Variants in OXR1 observed in about 807,000 individuals in gnomAD.
The protein encoded by OXR1 is oxidation resistance 1, also known as oxidation resistance protein 1.
A neutral mutation model predicts 104.6 loss-of-function variants in OXR1; 41 were observed. The observed-to-expected ratio is 0.39, with a 90% CI of 0.31 to 0.51. The LOEUF (loss-of-function observed/expected upper bound fraction) is 0.51, where lower values mean the gene tolerates loss of function less well. Among genes scored for constraint, OXR1 ranks in the 20% least tolerant of loss-of-function variants. OXR1 has a pLI of 0.77. For synonymous variants in OXR1, 348 were observed against 348.4 expected (o/e 1.00, Z 0.01); for missense variants, 955 against 1,031.9 (o/e 0.93, Z 1.02).
intron 2 of OXR1, among the ~76,000 whole-genome samples, chr8:106,438,143 T>TGC (rs1819653002): frequency 1.2e-4 from 17 of 142,114 alleles, no homozygotes; most frequent in African/African-American, 4.0e-4. Context: ...GTGGATCTCT[T>TGC]TGTGTCCATG....
intron 3 of OXR1, among the ~76,000 whole-genome samples, chr8:106,558,922 G>C (rs140219207): frequency 6.6e-6 from 1 of 152,090 alleles, no homozygotes; most frequent in African/African-American, 2.4e-5. Context: ...CTTGGAAATA[G>C]GGCAACAATT....
intron 3 of OXR1, among the ~76,000 whole-genome samples, chr8:106,649,694 AAT>A (rs58775435): frequency 6.3e-4 from 93 of 148,464 alleles, no homozygotes; most frequent in African/African-American, 1.5e-3. Context: ...ATCTGTCAAA[AAT>A]ATATATATAT....
intron 6 of OXR1, among the ~76,000 whole-genome samples, chr8:106,692,205 A>C (rs1362628971): frequency 6.6e-6 from 1 of 152,048 alleles, no homozygotes; most frequent in African/African-American, 2.4e-5. Context: ...CTTGTGATCT[A>C]GTGGAATGGG....
At chr8:106,690,070 GTT>G (rs1473935600) in intron 6 of OXR1, among the ~76,000 whole-genome samples, 1 of 150,312 alleles carries the variant, frequency 6.7e-6, no homozygotes, top group Non-Finnish European at 1.5e-5. Context: ...AATATTATAT[GTT>G]ATATATAAAA....
intron 2 of OXR1, among the ~76,000 whole-genome samples, chr8:106,413,956 G>C (rs1157660530): frequency 6.6e-6 from 1 of 152,064 alleles, no homozygotes; most frequent in African/African-American, 2.4e-5. Flanking sequence ...TTGAGCTCCA[G>C]AACTCAAGTG....
intron 3 of OXR1, among the ~76,000 whole-genome samples, chr8:106,583,560 T>C (rs1818407623): frequency 6.6e-6 from 1 of 152,160 alleles, no homozygotes; most frequent in African/African-American, 2.4e-5. Context: ...AGTAAAAGGA[T>C]TTTCTAAGAA....
At chr8:106,416,922 G>A (rs924272910) in intron 2 of OXR1, among the ~76,000 whole-genome samples, 1 of 152,084 alleles carries the variant, frequency 6.6e-6, no homozygotes, top group African/African-American at 2.4e-5. Context: ...TTTGTGGTTG[G>A]TGAGATGGAT....
intron 3 of OXR1, among the ~76,000 whole-genome samples, chr8:106,650,834 TA>T (rs1421903763): frequency 3.9e-5 from 6 of 152,306 alleles, no homozygotes; most frequent in Middle Eastern, 3.4e-3. Flanking sequence ...CTTTCCCCCT[TA>T]AAAATACTTT....
intron 1 of OXR1, among the ~76,000 whole-genome samples, chr8:106,293,759 G>A (rs1812857868): frequency 6.6e-6 from 1 of 152,016 alleles, no homozygotes; most frequent in South Asian, 2.1e-4. Context: ...ATGGCAAAAG[G>A]GCAAAAGACA....
At chr8:106,711,869 C>G (rs970251189) in intron 10 of OXR1, among the ~76,000 whole-genome samples, 12 of 152,090 alleles carry the variant, frequency 7.9e-5, no homozygotes, top group African/African-American at 2.9e-4. Context: ...CTTTGCTAGA[C>G]AGTAAGATAC....
chr8:106,707,121 A>G lies in OXR1; in HGVS notation c.1600A>G (p.Thr534Ala), dbSNP rs1831213474. 1.2e-6 allele frequency: 2 copies of G among 1,613,748 alleles called. No individual in the cohort carries two copies. Among genetic ancestry groups the G allele is most frequent in the Middle Eastern group, 1.7e-4 (1 of 6,058 alleles). Residue 534 changes from threonine (T) to alanine (A), a missense_variant, in exon 9 of 17, where the codon ACA becomes GCA. Thr to Ala is a moderately conservative substitution (Grantham distance 58, BLOSUM62 0). Transcript: ENST00000517566. ...VSQKEAKHKI[T>A]SADGHIESSA... is the part of the protein sequence containing the mutation. The stretch of plus-strand genomic sequence containing the variant: ...ACAAAAAGAAGCTAAGCATAAAATT[A>G]CATCTGCTGATGGACACATAGAAAG...
intron 1 of OXR1, among the ~76,000 whole-genome samples, chr8:106,327,248 G>A (rs2130204859): frequency 6.6e-6 from 1 of 152,222 alleles, no homozygotes; most frequent in East Asian, 1.9e-4. Flanking sequence ...AAAATATAGT[G>A]AGCAATTTTA....
chr8:106,337,550 A>ATTTTTTTTTTTTTTTTTTTTTTTTT (rs1815015489), intron 1 of OXR1, among the ~76,000 whole-genome samples: 1 of 152,190 alleles, frequency 6.6e-6, no homozygotes, highest in African/African-American at 2.4e-5. Context: ...TAAGCCATCA[A>ATTTTTTTTTTTTTTTTTTTTTTTTT]TTTTATGTTG....
chr8:106,706,002 A>G (rs968239357), intron 8 of OXR1, among the ~76,000 whole-genome samples: 1 of 152,138 alleles, frequency 6.6e-6, no homozygotes, highest in Non-Finnish European at 1.5e-5. Flanking sequence ...AATTTTAATT[A>G]AACATTTCTC....
intron 2 of OXR1, among the ~76,000 whole-genome samples, chr8:106,460,762 G>A (rs2130646875): frequency 6.6e-6 from 1 of 152,286 alleles, no homozygotes; most frequent in South Asian, 2.1e-4. Flanking sequence ...TACTGAGAAT[G>A]TACTAGCCAT....
chr8:106,702,201 C>G (rs1203407916), intron 7 of OXR1, among the ~76,000 whole-genome samples: 3 of 152,138 alleles, frequency 2.0e-5, no homozygotes, highest in Admixed American at 1.3e-4. Flanking sequence ...CTCAAGTGAT[C>G]CACCCACTTT....
chr8:106,287,083 C>T (rs1371155535), intron 1 of OXR1, among the ~76,000 whole-genome samples: 2 of 152,134 alleles, frequency 1.3e-5, no homozygotes, highest in East Asian at 3.9e-4. Flanking sequence ...AGAAAAGATA[C>T]CCAATACGGT....
At chr8:106,592,550 C>A (rs1158386032) in intron 3 of OXR1, among the ~76,000 whole-genome samples, 1 of 152,084 alleles carries the variant, frequency 6.6e-6, no homozygotes, top group African/African-American at 2.4e-5. Flanking sequence ...GGGTAGTCTG[C>A]TCTGAGAAGG....
At chr8:106,485,470 T>C (rs1405244896) in intron 2 of OXR1, among the ~76,000 whole-genome samples, 1 of 152,080 alleles carries the variant, frequency 6.6e-6, no homozygotes, top group Non-Finnish European at 1.5e-5. Context: ...TCAATAAATG[T>C]TTTTTAGTTC....
Sources: allele counts gnomAD v4.1 joint callset (sites outside exome capture counted in the v4.1 genomes callset), GRCh38; gene constraint gnomAD v4.1.1; transcripts MANE v1.5; gene names NCBI Gene and HGNC (gene_info 2026-07-23, HGNC 2026-07-21).